The following EVL variants were observed in gnomAD, a reference collection of about 807,000 sequenced individuals.
The protein encoded by EVL is ena/VASP-like protein.
EVL carries 21 observed loss-of-function variants against 59.6 expected under a neutral mutation model. That is an observed-to-expected ratio of 0.35 (90% CI 0.25 to 0.51). EVL has a LOEUF of 0.51. Among genes scored for constraint, EVL ranks in the 20% least tolerant of loss-of-function variants. The probability of loss-of-function intolerance (pLI) is 0.97; values close to 1 mark genes in which losing one functional copy is unlikely to be tolerated. For synonymous variants in EVL, 198 were observed against 203.5 expected, an observed-to-expected ratio of 0.97 and a Z score of 0.23; for missense variants, 462 against 546.6, an observed-to-expected ratio of 0.85 and a Z score of 1.54.
chr14:100,047,412 A>G lies in EVL; in HGVS notation c.6-37275A>G. 1.3e-5 allele frequency among the ~76,000 whole-genome samples: 2 copies of G among 152,094 alleles called. 1 individual carries two copies. The highest frequency in any genetic ancestry group is 2.9e-5 in the Non-Finnish European group (2 of 68,010). ...CAGAGCCTGGTTCTAGTCATTGGGC[A>G]GAATCGTCTCCCTAGGGATCACACA... On this transcript the variant is annotated intron_variant, in intron 1 of 13. Transcript: ENST00000402714.
chr14:100,141,551 G>A (rs184087827), intron 12 of EVL, among the ~76,000 whole-genome samples, 185 bp from the exon 13 acceptor site: 1 of 152,352 alleles, frequency 6.6e-6, no homozygotes, highest in East Asian at 1.9e-4. Flanking sequence ...GTGGCAGCAG[G>A]ATTTTCCCAG....
At chr14:100,073,476 C>CATGCG (rs1358863609) in intron 1 of EVL, among the ~76,000 whole-genome samples, 1 of 151,924 alleles carries the variant, frequency 6.6e-6, no homozygotes, top group Non-Finnish European at 1.5e-5. Context: ...CACCCACCAC[C>CATGCG]ATGCGTGGCT....
At chr14:100,132,802 C>G in intron 8 of EVL, 23 bp downstream of exon 8, 1 of 1,613,448 alleles carries the variant, frequency 6.2e-7, no homozygotes. Flanking sequence ...CCCGCCCCAC[C>G]CTCAGGCTCC....
intron 2 of EVL, among the ~76,000 whole-genome samples, chr14:100,090,790 T>C (rs1429698901): frequency 1.3e-5 from 2 of 152,156 alleles, no homozygotes; most frequent in African/African-American, 4.8e-5. Context: ...AAAGGGTATC[T>C]ACAAACAACA....
At chr14:99,996,838 A>T (rs2060917369) in intron 1 of EVL, among the ~76,000 whole-genome samples, 1 of 152,108 alleles carries the variant, frequency 6.6e-6, no homozygotes, top group African/African-American at 2.4e-5. Flanking sequence ...TTTTTTAGAG[A>T]TGGGATCTAG....
intron 2 of EVL, among the ~76,000 whole-genome samples, chr14:100,085,947 G>A (rs867998492): frequency 6.6e-6 from 1 of 152,080 alleles, no homozygotes; most frequent in African/African-American, 2.4e-5. Context: ...CTAACACGGC[G>A]AAACCCCATC....
chr14:100,014,611 T>G (rs1358329966), intron 1 of EVL, among the ~76,000 whole-genome samples: 4 of 152,272 alleles, frequency 2.6e-5, no homozygotes. Flanking sequence ...AGATATCTCT[T>G]CAGTATACTG....
At chr14:99,973,800 T>A (rs180814576) in intron 1 of EVL, among the ~76,000 whole-genome samples, 1 of 152,226 alleles carries the variant, frequency 6.6e-6, no homozygotes, top group Non-Finnish European at 1.5e-5. Flanking sequence ...GTGTTTTCCC[T>A]TTTACATTAA....
intron 1 of EVL, among the ~76,000 whole-genome samples, chr14:100,003,562 A>T (rs549970183): frequency 3.4e-4 from 51 of 152,020 alleles, no homozygotes; most frequent in Non-Finnish European, 5.7e-4. Flanking sequence ...GATTACAGGC[A>T]TGTGCCACCA....
At chr14:100,061,799 T>C (rs2061839649), upstream of EVL, among the ~76,000 whole-genome samples, 1 of 152,176 alleles carries the variant, frequency 6.6e-6, no homozygotes, top group Non-Finnish European at 1.5e-5. Context: ...AAAAATTTTA[T>C]TAAAATCATA....
chr14:100,128,680 C>A lies in EVL; in HGVS notation c.649C>A (p.His217Asn). Residue 217 changes from histidine (H) to asparagine (N), a missense_variant, in exon 6 of 14, where the codon CAC becomes AAC. Physicochemically the swap from His to Asn is moderately conservative, Grantham distance 68 (BLOSUM62 1). Transcript: ENST00000392920. ...LPAGGAQGSS[H>N]DESSMSGLAA... is the part of the protein sequence containing the mutation. ...AGCCGGAGGAGCCCAGGGGTCCAGC[C>A]ACGACGAGAGCTCCATGTCAGGACT... The A allele has an allele frequency of 6.2e-7, 1 of 1,606,532 alleles. No individual in the cohort carries two copies. The highest frequency in any genetic ancestry group is 1.1e-5 in the South Asian group (1 of 90,206).
At chr14:100,084,661 G>A (rs761901252) in intron 1 of EVL, 26 bp from the exon 2 acceptor site, 7 of 1,611,808 alleles carry the variant, frequency 4.3e-6, no homozygotes, top group South Asian at 1.1e-5. Flanking sequence ...AGCTGAGGCT[G>A]ACACCAGTTT....
chr14:100,081,791 C>G (rs2062313597), intron 1 of EVL, among the ~76,000 whole-genome samples: 1 of 152,226 alleles, frequency 6.6e-6, no homozygotes, highest in African/African-American at 2.4e-5. Context: ...AAAACCCACA[C>G]AGCGTTTGCT....
chr14:100,064,766 T>A (rs1174698980), upstream of EVL, among the ~76,000 whole-genome samples: 1 of 152,102 alleles, frequency 6.6e-6, no homozygotes, highest in Non-Finnish European at 1.5e-5. Flanking sequence ...CAAAATTAGC[T>A]GGGCATGGTG....
chr14:100,134,989 AAAGAT>A (rs1379571817), intron 8 of EVL: 39 of 152,312 alleles, frequency 2.6e-4, no homozygotes, highest in African/African-American at 9.4e-4. Context: ...ACATACAAGA[AAAGAT>A]GATAATTTTT....
chr14:100,122,365 T>A (rs1335424081), intron 3 of EVL, among the ~76,000 whole-genome samples: 3 of 152,222 alleles, frequency 2.0e-5, no homozygotes, highest in Admixed American at 1.3e-4. Context: ...GCTTCCCAGC[T>A]GTTACAAGTC....
At chr14:100,063,927 C>T (rs1347415034), upstream of EVL, among the ~76,000 whole-genome samples, 8 of 152,114 alleles carry the variant, frequency 5.3e-5, no homozygotes, top group Admixed American at 5.2e-4. Context: ...AAATAGGTAG[C>T]AACAGATATA....
chr14:100,053,224 T>G (rs913905366), intron 1 of EVL, among the ~76,000 whole-genome samples: 10 of 152,192 alleles, frequency 6.6e-5, no homozygotes, highest in African/African-American at 2.4e-4. Flanking sequence ...ATTAACATAA[T>G]AATAGCTTTT....
intron 2 of EVL, chr14:100,097,072 C>A (rs941590499): frequency 6.2e-6 from 1 of 162,048 alleles, no homozygotes; most frequent in Non-Finnish European, 1.4e-5. Flanking sequence ...ATACGTATCA[C>A]AATGTGATCT....
Sources: gnomAD v4.1 joint callset for allele counts (sites outside exome capture counted in the v4.1 genomes callset) on GRCh38, gnomAD v4.1.1 for gene constraint, MANE v1.5 for transcripts, NCBI Gene and HGNC (gene_info 2026-07-23, HGNC 2026-07-21) for gene names.